MGAM: variants seen among roughly 807,000 people sequenced by gnomAD.
MGAM encodes the protein maltase-glucoamylase, also known as alpha-1,4-glucosidase.
In MGAM, 253 loss-of-function variants were observed where a neutral mutation model predicts 358.8. That is an observed-to-expected ratio of 0.71 (90% CI 0.64 to 0.78). The LOEUF is 0.78. MGAM is among the 30% of genes least tolerant of loss of function. The pLI is 0.00. For missense variants in MGAM, 3,080 were observed against 3,432.6 expected (o/e 0.90, Z 2.57); for synonymous variants, 1,105 against 1,227.1 (o/e 0.90, Z 2.08).
rs1338049135 is a variant in MGAM, at chr7:142,089,659, C to T, written c.6811-2254C>T. Among the ~76,000 whole-genome samples, 2 of 145,174 alleles carry T rather than the reference C, an allele frequency of 1.4e-5. 1 individual carries two copies. The highest frequency in any genetic ancestry group is 3.1e-5 in the Non-Finnish European group (2 of 64,154). On this transcript the variant is annotated intron_variant, in intron 57 of 70. Coordinates refer to ENST00000475668, the MANE Select transcript of MGAM (RefSeq NM_001365693.1). ...TACAAAAGTTAGCCAGGCGTGGTGGCACGCGCCTGTAATCCCACTTAGGAG... is the reference window on the plus strand; with the variant it reads ...TACAAAAGTTAGCCAGGCGTGGTGGTACGCGCCTGTAATCCCACTTAGGAG...
chr7:142,044,258 T>C (rs1332757190), intron 21 of MGAM, among the ~76,000 whole-genome samples: 1 of 119,246 alleles, frequency 8.4e-6, no homozygotes, highest in African/African-American at 2.6e-5. Flanking sequence ...ACATACGACA[T>C]ATAATATATA....
At position 142,031,765 on chromosome 7, in the gene MGAM, A is replaced by G. The variant is rs570887648; in HGVS notation, c.1556A>G (p.Asn519Ser). Reference sequence around the variant, plus strand: ...ACAAAGGAATTTGAGCTTTTTCACAATCAAGTAGAGTTTGATGGAATCTGG... The same window carrying G: ...ACAAAGGAATTTGAGCTTTTTCACAGTCAAGTAGAGTTTGATGGAATCTGG... ...WWTKEFELFH[N>S]QVEFDGIWID... Residue 519 changes from asparagine to serine, a missense_variant, in exon 13 of 71, where the codon AAT becomes AGT. Physicochemically the swap from Asn to Ser is conservative, Grantham distance 46. Coordinates refer to ENST00000475668, the MANE Select transcript of MGAM (RefSeq NM_001365693.1). The G allele has an allele frequency of 1.6e-4, 262 of 1,610,908 alleles. 6 individuals are homozygous for G. The South Asian group carries it at 2.7e-3, about 17-fold the overall frequency.
chr7:142,067,673 G>T (rs1469075087), intron 42 of MGAM, among the ~76,000 whole-genome samples: 1 of 142,198 alleles, frequency 7.0e-6, no homozygotes, highest in Non-Finnish European at 1.6e-5. Context: ...TCATGGAATA[G>T]TCAATGACAC....
chr7:142,098,839 A>G (rs1465434880), intron 66 of MGAM, among the ~76,000 whole-genome samples: 1 of 152,156 alleles, frequency 6.6e-6, no homozygotes, highest in Non-Finnish European at 1.5e-5. Flanking sequence ...AAAAAGATGA[A>G]ATTTTGATGT....
chr7:142,004,698 C>T (rs1318785697), intron 1 of MGAM, among the ~76,000 whole-genome samples: 2 of 151,714 alleles, frequency 1.3e-5, no homozygotes, highest in South Asian at 2.1e-4. Flanking sequence ...AAAATCAGTA[C>T]AAAATATTTT....
chr7:142,038,415 G>T (rs947937898), intron 18 of MGAM, 116 bp from the exon 19 acceptor site: 7 of 723,718 alleles, frequency 9.7e-6, no homozygotes, highest in Middle Eastern at 3.6e-4. Flanking sequence ...AATAATTTGG[G>T]GGGTTTGCCT....
chr7:142,053,787 G>A (rs1053779348), intron 26 of MGAM, among the ~76,000 whole-genome samples: 2 of 152,084 alleles, frequency 1.3e-5, no homozygotes, highest in African/African-American at 4.8e-5. Flanking sequence ...ACATCAACCC[G>A]AATTCTGAGT....
In MGAM at chr7:142,050,908, T is replaced by C. The variant is rs542891785; in HGVS notation, c.2805+44T>C. 1.7e-5 allele frequency: 27 copies of C among 1,611,200 alleles called. No individual in the cohort carries two copies. The Admixed American group carries it at 3.5e-4, about 21-fold the overall frequency. On this transcript the variant is annotated intron_variant, in intron 24 of 70. Transcript: ENST00000475668. ...GAGATGGTACATTGAGAATTCTCCA[T>C]AGCATCGTGATGTTCCTTCTTGCCA...
intron 17 of MGAM, 122 bp from the exon 18 acceptor site, chr7:142,036,701 A>C (rs546859976): frequency 9.1e-7 from 1 of 1,095,908 alleles, no homozygotes; most frequent in South Asian, 1.5e-5. Context: ...CGAGGTTTGC[A>C]ACCTTGGCCT....
chr7:142,030,830 G>T (rs891330832), intron 12 of MGAM, 73 bp downstream of exon 12: 1 of 867,492 alleles, frequency 1.2e-6, no homozygotes, highest in Admixed American at 1.9e-5. Flanking sequence ...GTGTGTGTGT[G>T]TGTGTGTGTG....
chr7:142,008,754 AGTTT>A (rs782721616), intron 3 of MGAM, 49 bp downstream of exon 3: 38 of 1,571,612 alleles, frequency 2.4e-5, no homozygotes, highest in Non-Finnish European at 3.3e-5. Context: ...GCAACTTGAT[AGTTT>A]ATTTTTTTTT....
At chr7:141,998,709 G>A (rs377704183) in intron 1 of MGAM, among the ~76,000 whole-genome samples, 5 of 152,254 alleles carry the variant, frequency 3.3e-5, no homozygotes, top group South Asian at 2.1e-4. Context: ...TAGTGCTGCA[G>A]TAAACATACG....
Position 142,020,964 on chromosome 7 carries a change from C to G in MGAM, c.449-10C>G. On this transcript the variant is annotated splice_polypyrimidine_tract_variant and intron_variant, in intron 4 of 70. Coordinates refer to ENST00000475668, the MANE Select transcript of MGAM (RefSeq NM_001365693.1). ...TCAACTATGAAAACCTTTTTTTTCTCCTATGTTAGGATTCACAGCCCGGTT... is the reference window on the plus strand; with the variant it reads ...TCAACTATGAAAACCTTTTTTTTCTGCTATGTTAGGATTCACAGCCCGGTT... 2 of 1,585,982 alleles carry G rather than the reference C, an allele frequency of 1.3e-6. No individual in the cohort carries two copies. The highest frequency in any genetic ancestry group is 1.4e-5 in the African/African-American group (1 of 73,872).
rs76626314 is a variant in MGAM, at chr7:142,038,450, A to G, written c.2232-81A>G. On this transcript the variant is annotated intron_variant, in intron 18 of 70. Coordinates refer to ENST00000475668, the MANE Select transcript of MGAM (RefSeq NM_001365693.1). ...TGGGCAGACGGCCTGCATGCTTTCAACAGGTTGTGTGTGAGTAGAGCTGCT... is the reference window on the plus strand; with the variant it reads ...TGGGCAGACGGCCTGCATGCTTTCAGCAGGTTGTGTGTGAGTAGAGCTGCT... 489 of 1,096,966 alleles carry G rather than the reference A, an allele frequency of 4.5e-4. 2 individuals are homozygous for G. In the African/African-American group the frequency reaches 5.4e-3, roughly 12 times the overall value. 68.0% of individuals were successfully genotyped at this position (1,096,966 alleles called of 1,614,324 possible). A position where few individuals can be genotyped will look rare whatever the true frequency, so the allele number is the denominator to read the frequency against.
chr7:142,105,703 C>G (rs946098107), intron 70 of MGAM, 111 bp from the exon 71 acceptor site: 6 of 766,060 alleles, frequency 7.8e-6, no homozygotes, highest in African/African-American at 1.7e-5. Context: ...CTAGACAATA[C>G]AATGTAGAAG....
intron 35 of MGAM, among the ~76,000 whole-genome samples, chr7:142,063,072 C>A (rs1024878798): frequency 1.3e-5 from 2 of 152,106 alleles, no homozygotes; most frequent in African/African-American, 4.8e-5. Context: ...GTGGCACATG[C>A]CTATAATCCC....
intron 61 of MGAM, 54 bp downstream of exon 61, chr7:142,094,551 T>G: frequency 6.4e-7 from 1 of 1,556,790 alleles, no homozygotes. Flanking sequence ...TTGGGATCCT[T>G]GGGGAAGAGG....
intron 3 of MGAM, among the ~76,000 whole-genome samples, chr7:142,015,460 A>G (rs2128990844): frequency 6.6e-6 from 1 of 152,200 alleles, no homozygotes; most frequent in African/African-American, 2.4e-5. Context: ...CAATTCCAGG[A>G]AGACTAAAAG....
intron 40 of MGAM, 116 bp downstream of exon 40, chr7:142,065,947 T>G: frequency 2.4e-6 from 2 of 846,782 alleles, no homozygotes; most frequent in Non-Finnish European, 1.7e-6. Flanking sequence ...AAAGGTGTTT[T>G]TTTTTGTTTT....
Sources: allele counts gnomAD v4.1 joint callset (sites outside exome capture counted in the v4.1 genomes callset), GRCh38; gene constraint gnomAD v4.1.1; transcripts MANE v1.5; gene names NCBI Gene and HGNC (gene_info 2026-07-23, HGNC 2026-07-21).